PIK3R3: variants seen among roughly 807,000 people sequenced by gnomAD.
The protein encoded by PIK3R3 is phosphatidylinositol 3-kinase regulatory subunit gamma.
In PIK3R3, 64 loss-of-function variants were observed where a neutral mutation model predicts 62.9. The ratio of observed to expected loss-of-function variants is 1.02; its 90% CI spans 0.83 to 1.25. PIK3R3 has a LOEUF of 1.25. Ranked by LOEUF, PIK3R3 falls within the 50% of genes most tolerant of loss-of-function variation. PIK3R3 has a pLI of 0.00. For missense variants in PIK3R3, 614 were observed against 561.6 expected (o/e 1.09, Z -0.94); for synonymous variants, 165 against 189.0 (o/e 0.87, Z 1.04).
intron 1 of PIK3R3, among the ~76,000 whole-genome samples, chr1:46,103,952 G>C (rs1016687276): frequency 6.6e-6 from 1 of 151,274 alleles, no homozygotes; most frequent in African/African-American, 2.4e-5. Flanking sequence ...TTGAGATGGA[G>C]TCTCACTCTT....
At chr1:46,101,283 C>A (rs746430675) in intron 1 of PIK3R3, among the ~76,000 whole-genome samples, 3 of 151,974 alleles carry the variant, frequency 2.0e-5, no homozygotes, top group Non-Finnish European at 2.9e-5. Flanking sequence ...ATCACAAGGT[C>A]AAGAGATGGA....
upstream of PIK3R3, chr1:46,134,772 C>T (rs765292930): frequency 3.9e-5 from 6 of 152,332 alleles, no homozygotes; most frequent in African/African-American, 1.2e-4. Flanking sequence ...CACCTTTTGC[C>T]TGGACCACTT....
intron 1 of PIK3R3, among the ~76,000 whole-genome samples, chr1:46,124,387 C>T (rs890413701): frequency 1.3e-5 from 2 of 152,136 alleles, no homozygotes; most frequent in Non-Finnish European, 2.9e-5. Context: ...CCCTTTAATA[C>T]CAATAAAAAA....
At chr1:46,121,171 T>C (rs1571555783) in intron 1 of PIK3R3, among the ~76,000 whole-genome samples, 2 of 152,216 alleles carry the variant, frequency 1.3e-5, no homozygotes, top group East Asian at 3.8e-4. Context: ...TTTAAAGCCA[T>C]TTTGAATTAG....
At chr1:46,112,513 C>A (rs1364905470) in intron 1 of PIK3R3, among the ~76,000 whole-genome samples, 1 of 152,136 alleles carries the variant, frequency 6.6e-6, no homozygotes, top group East Asian at 1.9e-4. Context: ...ACAGCTGCAG[C>A]AATTCACATC....
chr1:46,079,986 C>G (rs993196191), intron 2 of PIK3R3, among the ~76,000 whole-genome samples: 4 of 151,538 alleles, frequency 2.6e-5, no homozygotes, highest in Non-Finnish European at 5.9e-5. Flanking sequence ...TTTCTTGTCA[C>G]TTTTTCATGG....
intron 2 of PIK3R3, 34 bp from the exon 3 acceptor site, chr1:46,077,647 T>C (rs750987586): frequency 1.5e-6 from 2 of 1,353,342 alleles, no homozygotes; most frequent in South Asian, 1.2e-5. Flanking sequence ...AATGAAAAAA[T>C]GTCAACACTG....
chr1:46,148,958 A>G, the PIK3R3 span, among the ~76,000 whole-genome samples: 1 of 152,156 alleles, frequency 6.6e-6, no homozygotes, highest in Non-Finnish European at 1.5e-5. Flanking sequence ...ATTCTTAGTC[A>G]TAGAATGAGA....
In PIK3R3 at chr1:46,042,874, T is replaced by C; in HGVS notation, c.*799A>G. ...AAACAGGCAGGAAGGACAGAAGGGG[T>C]TAGTTACAGTGATCAATTTTAGCGT... On this transcript the variant is annotated 3_prime_UTR_variant, in exon 10 of 10. Transcript: ENST00000262741. This position sits in a 1 kb window ranked among gnomAD's most constrained non-coding sequence, Gnocchi z 4.3. 1 of 199,508 alleles carries C rather than the reference T, an allele frequency of 5.0e-6. No homozygotes were observed. Among genetic ancestry groups the C allele is most frequent in the Non-Finnish European group, 1.0e-5 (1 of 96,316 alleles). 12.4% of individuals were successfully genotyped at this position (199,508 alleles called of 1,614,324 possible). A position where few individuals can be genotyped will look rare whatever the true frequency, so the allele number is the denominator to read the frequency against.
intron 1 of PIK3R3, among the ~76,000 whole-genome samples, chr1:46,090,324 ATT>A (rs1651497710): frequency 6.6e-6 from 1 of 151,116 alleles, no homozygotes; most frequent in Non-Finnish European, 1.5e-5. Context: ...TTATTTATTT[ATT>A]TATTTATTTA....
At chr1:46,085,990 T>C (rs1651015800) in intron 1 of PIK3R3, among the ~76,000 whole-genome samples, 1 of 152,242 alleles carries the variant, frequency 6.6e-6, no homozygotes, top group African/African-American at 2.4e-5. Context: ...TCCTTCCGCC[T>C]TGGCCTCCCA....
At chr1:46,106,006 A>G (rs1325399747) in intron 1 of PIK3R3, among the ~76,000 whole-genome samples, 1 of 152,234 alleles carries the variant, frequency 6.6e-6, no homozygotes, top group East Asian at 1.9e-4. Flanking sequence ...ATTAACTTAC[A>G]CATGGCAATT....
At chr1:46,071,421 C>T (rs1019799683) in intron 3 of PIK3R3, among the ~76,000 whole-genome samples, 2 of 151,796 alleles carry the variant, frequency 1.3e-5, no homozygotes, top group African/African-American at 2.4e-5. Context: ...CATCTATCCC[C>T]GCGGTAGCTC....
the PIK3R3 span, among the ~76,000 whole-genome samples, chr1:46,165,817 G>A: frequency 1.7e-5 from 2 of 118,506 alleles, no homozygotes; most frequent in Admixed American, 2.3e-4. Flanking sequence ...TGTAGCCCAG[G>A]TTGGAGTGCA....
intron 1 of PIK3R3, chr1:46,105,317 T>C (rs1291295117): frequency 1.3e-5 from 3 of 231,004 alleles, no homozygotes; most frequent in African/African-American, 2.3e-5. Flanking sequence ...CTGGCCAACA[T>C]GGTGAAACCC....
At position 46,077,524 on chromosome 1, in the gene PIK3R3, A is replaced by G. The variant is rs749582252; in HGVS notation, c.305T>C (p.Leu102Ser). The change falls in exon 3 of 10, where the codon TTG becomes TCG. Residue 102 changes from leucine (L) to serine (S), a missense_variant. By Grantham distance (145) the Leu-to-Ser change is moderately radical. Coordinates refer to ENST00000262741, the MANE Select transcript of PIK3R3 (RefSeq NM_003629.4). ...ACTGAAAAGTACTTACCGCAAAGTCAAAGTATAATCTCCCTGCATTTTTGT... is the reference window on the plus strand; with the variant it reads ...ACTGAAAAGTACTTACCGCAAAGTCGAAGTATAATCTCCCTGCATTTTTGT... ...ASTKMQGDYTLTLRKGGNNKL... is the reference protein window; with the variant it reads ...ASTKMQGDYTSTLRKGGNNKL... 4.4e-6 allele frequency: 7 copies of G among 1,601,170 alleles called. No homozygotes were observed. The highest frequency in any genetic ancestry group is 1.1e-5 in the South Asian group (1 of 90,802).
the PIK3R3 span, among the ~76,000 whole-genome samples, chr1:46,165,151 C>T: frequency 6.6e-6 from 1 of 152,110 alleles, no homozygotes; most frequent in Non-Finnish European, 1.5e-5. Flanking sequence ...CAGATTTCTA[C>T]TCTTCCAGAA....
chr1:46,041,961 A>T lies in PIK3R3; in HGVS notation c.*1712T>A. 1 of 219,456 alleles carries T rather than the reference A, an allele frequency of 4.6e-6. No homozygotes were observed. Among genetic ancestry groups the T allele is most frequent in the East Asian group, 6.7e-5 (1 of 14,934 alleles). 13.6% of individuals were successfully genotyped at this position (219,456 alleles called of 1,614,324 possible). A position where few individuals can be genotyped will look rare whatever the true frequency, so the allele number is the denominator to read the frequency against. ...TGGAAATAAGTGCTCAGGTAAACTA[A>T]TATTTTTCTTTCACCCCCAGAACTA... On this transcript the variant is annotated 3_prime_UTR_variant, in exon 10 of 10. Transcript: ENST00000262741.
At chr1:46,101,980 CTTTTTTTTTTT>C (rs538688681) in intron 1 of PIK3R3, among the ~76,000 whole-genome samples, 1 of 89,942 alleles carries the variant, frequency 1.1e-5, no homozygotes, top group Non-Finnish European at 2.0e-5. Context: ...GAATTGTATA[CTTTTTTTTTTT>C]TTTTTTTTTT....
Sources: gnomAD v4.1 joint callset for allele counts (sites outside exome capture counted in the v4.1 genomes callset) on GRCh38, gnomAD v4.1.1 for gene constraint, Gnocchi (gnomAD v3.1) non-coding constraint, MANE v1.5 for transcripts, NCBI Gene and HGNC (gene_info 2026-07-23, HGNC 2026-07-21) for gene names.